Variants in CADPS observed in about 807,000 individuals in gnomAD.
CADPS encodes calcium-dependent secretion activator 1.
A neutral mutation model predicts 167.3 loss-of-function variants in CADPS; 57 were observed. The ratio of observed to expected loss-of-function variants is 0.34; its 90% CI spans 0.28 to 0.42. The LOEUF is 0.42. Ranked by LOEUF, CADPS falls within the 20% of genes least tolerant of loss-of-function variation. The probability of loss-of-function intolerance (pLI) is 1.00; values close to 1 mark genes in which losing one functional copy is unlikely to be tolerated. For synonymous variants in CADPS, 676 were observed against 635.3 expected (o/e 1.06, Z -0.96); for missense variants, 1,414 against 1,738.1 (o/e 0.81, Z 3.32).
chr3:62,481,632 C>A, intron 22 of CADPS, 91 bp downstream of exon 22: 1 of 1,179,616 alleles, frequency 8.5e-7, no homozygotes, highest in South Asian at 1.7e-5. Context: ...ATCTCCATCT[C>A]TGTTATATAG....
chr3:62,579,546 G>A (rs1419737132), intron 8 of CADPS, among the ~76,000 whole-genome samples: 3 of 152,122 alleles, frequency 2.0e-5, no homozygotes, highest in Non-Finnish European at 4.4e-5. Flanking sequence ...GGACACAGCG[G>A]GGCCAGGTAA....
chr3:62,637,959 G>A (rs1579342228), intron 6 of CADPS, among the ~76,000 whole-genome samples: 2 of 151,954 alleles, frequency 1.3e-5, no homozygotes, highest in South Asian at 2.1e-4. Flanking sequence ...AATGATCACT[G>A]TTTTAGACTC....
rs566480949 is a variant in CADPS at position 62,487,248 on chromosome 3, C to T, written c.3026+4091G>A. Among the ~76,000 whole-genome samples, 4 of 152,358 alleles carry T rather than the reference C, an allele frequency of 2.6e-5. 1 individual carries two copies. In the South Asian group the frequency reaches 8.3e-4, roughly 32 times the overall value. Reference sequence around the variant, plus strand: ...AGGCAAGGGTGGTGGAGCTACTAGACTTGGTAAGACTTTGAATGAGTTGTT... The same window carrying T: ...AGGCAAGGGTGGTGGAGCTACTAGATTTGGTAAGACTTTGAATGAGTTGTT... On this transcript the variant is annotated intron_variant, in intron 21 of 29. Coordinates refer to ENST00000383710, the MANE Select transcript of CADPS (RefSeq NM_003716.4).
chr3:62,810,589 T>C (rs1366758994), intron 1 of CADPS, among the ~76,000 whole-genome samples: 2 of 152,186 alleles, frequency 1.3e-5, no homozygotes, highest in Non-Finnish European at 2.9e-5. Flanking sequence ...GAATTTCTGA[T>C]AATCATTGAG....
At chr3:62,763,729 A>G (rs540157024) in intron 2 of CADPS, among the ~76,000 whole-genome samples, 1 of 152,340 alleles carries the variant, frequency 6.6e-6, no homozygotes, top group Admixed American at 6.5e-5. Context: ...ACTTCACTTT[A>G]GAGGATTAGA....
intron 3 of CADPS, among the ~76,000 whole-genome samples, chr3:62,748,339 C>T (rs183530059): frequency 4.5e-4 from 15 of 33,552 alleles, no homozygotes; most frequent in East Asian, 5.7e-3. Flanking sequence ...AGCGAGACTC[C>T]GTCTCAAAAA....
rs1408760632 is a variant in CADPS, at chr3:62,445,729, A to C, written c.3669+36T>G. 41 of 1,426,936 alleles carry C rather than the reference A, an allele frequency of 2.9e-5. 3 individuals carry two copies. Among genetic ancestry groups the C allele is most frequent in the Admixed American group, 9.7e-5 (4 of 41,274 alleles). The allele number at this position is 1,426,936 out of a possible 1,614,324, so 88.4% of individuals were successfully genotyped here. Reference sequence around the variant, plus strand: ...GTAAAAATGAAAAAAAAAAAAAACAAAAAAACCCCATGAGAAACAATTTTC... The same window carrying C: ...GTAAAAATGAAAAAAAAAAAAAACACAAAAACCCCATGAGAAACAATTTTC... On this transcript the variant is annotated intron_variant, in intron 27 of 29. Transcript: ENST00000383710.
Position 62,516,614 on chromosome 3 carries a change from C to G in CADPS, c.2423G>C (p.Gly808Ala), listed in dbSNP as rs1296527864. Residue 808 changes from glycine to alanine, a missense_variant, in exon 15 of 30, where the codon GGT (glycine) becomes GCT (alanine). By Grantham distance (60) the Gly-to-Ala change is moderately conservative (BLOSUM62 0). This residue lies in a region of CADPS where 529 missense variants were observed against 629.6 expected (regional missense o/e 0.84). Transcript: ENST00000383710. ...GAGTGAGAGAGTAGCTTTCAAAGCA[C>G]CTTCAGGTCGACCAAATGGAAAGCA... ...RYCFPFGRPE[G>A]ALKATLSLLE... 1.9e-6 allele frequency: 3 copies of G among 1,604,230 alleles called. No individual in the cohort carries two copies. The highest frequency in any genetic ancestry group is 2.6e-6 in the Non-Finnish European group (3 of 1,173,548).
intron 28 of CADPS, chr3:62,403,705 A>T (rs138306398): frequency 1.3e-5 from 2 of 152,202 alleles, no homozygotes; most frequent in African/African-American, 4.8e-5. Flanking sequence ...GTTTATCTTC[A>T]TTTACCTGAT....
intron 3 of CADPS, among the ~76,000 whole-genome samples, chr3:62,711,509 T>C (rs2083385939): frequency 6.6e-6 from 1 of 152,240 alleles, no homozygotes; most frequent in Non-Finnish European, 1.5e-5. Flanking sequence ...CTGAATTCTT[T>C]GTGTAAGATA....
At chr3:62,541,527 C>T (rs1439838547) in intron 11 of CADPS, among the ~76,000 whole-genome samples, 2 of 152,148 alleles carry the variant, frequency 1.3e-5, no homozygotes, top group African/African-American at 4.8e-5. Context: ...AACATACAGA[C>T]TTACGGAGAG....
At chr3:62,682,968 A>G (rs527536452) in intron 3 of CADPS, among the ~76,000 whole-genome samples, 1 of 152,212 alleles carries the variant, frequency 6.6e-6, no homozygotes, top group Admixed American at 6.5e-5. Flanking sequence ...GTAGAAGTTA[A>G]CCAGGCAAAG....
intron 28 of CADPS, among the ~76,000 whole-genome samples, chr3:62,410,203 C>T (rs760777301): frequency 5.9e-5 from 9 of 152,178 alleles, no homozygotes; most frequent in Admixed American, 2.6e-4. Context: ...CCTTCACACA[C>T]CTTCTTTGAT....
At chr3:62,768,966 G>A (rs2087725506) in intron 1 of CADPS, among the ~76,000 whole-genome samples, 1 of 152,098 alleles carries the variant, frequency 6.6e-6, no homozygotes, top group African/African-American at 2.4e-5. Flanking sequence ...TCTGGGTTTT[G>A]CCACCTACTG....
At chr3:62,823,951 A>T (rs2073510273) in intron 1 of CADPS, among the ~76,000 whole-genome samples, 1 of 152,104 alleles carries the variant, frequency 6.6e-6, no homozygotes, top group Non-Finnish European at 1.5e-5. Context: ...TTTTTCTGCC[A>T]CGGCTCCTGC....
At chr3:62,721,309 T>C (rs1020400244) in intron 3 of CADPS, among the ~76,000 whole-genome samples, 14 of 152,086 alleles carry the variant, frequency 9.2e-5, no homozygotes, top group African/African-American at 3.1e-4. Context: ...CCTAACTGCA[T>C]GTGCCTAACA....
chr3:62,767,480 T>G (rs1307833331), intron 1 of CADPS, among the ~76,000 whole-genome samples: 1 of 152,238 alleles, frequency 6.6e-6, no homozygotes, highest in African/African-American at 2.4e-5. Context: ...TTAAAAGTTT[T>G]TATATAAATC....
chr3:62,753,690 C>T lies in CADPS; in HGVS notation c.639G>A (p.Lys213=), dbSNP rs751092022. 6.2e-7 allele frequency: 1 copy of T among 1,614,194 alleles called. No individual in the cohort carries two copies. Among genetic ancestry groups the T allele is most frequent in the Non-Finnish European group, 8.5e-7 (1 of 1,180,044 alleles). Reference sequence around the variant, plus strand: ...GGCTGCGCACTCTCTTCTCAATGTGCTTCTTGAAGACCTCCCGGGAGTCGT... The same window carrying T: ...GGCTGCGCACTCTCTTCTCAATGTGTTTCTTGAAGACCTCCCGGGAGTCGT... ...SANDSREVFK[K]HIEKRVRSLP... The change falls in exon 3 of 30, where the codon AAG becomes AAA. Residue 213 remains lysine, a synonymous_variant. Coordinates refer to ENST00000383710, the MANE Select transcript of CADPS (RefSeq NM_003716.4). This position sits in a 1 kb window ranked among gnomAD's most constrained non-coding sequence, Gnocchi z 4.6.
rs1157198564 is a variant in CADPS at position 62,458,350 on chromosome 3, C to T, written c.3636+7017G>A. Among the ~76,000 whole-genome samples, 1 of 152,178 alleles carries T rather than the reference C, an allele frequency of 6.6e-6. No homozygotes were observed. The highest frequency in any genetic ancestry group is 1.5e-5 in the Non-Finnish European group (1 of 68,026). Reference sequence around the variant, plus strand: ...GTTAGTCTGGGCTTCACAGTCACACCTTTATCTTAATCACTCTCTAACTTT... The same window carrying T: ...GTTAGTCTGGGCTTCACAGTCACACTTTTATCTTAATCACTCTCTAACTTT... On this transcript the variant is annotated intron_variant, in intron 26 of 29. Coordinates refer to ENST00000383710, the MANE Select transcript of CADPS (RefSeq NM_003716.4). This position sits in a 1 kb window ranked among gnomAD's most constrained non-coding sequence, Gnocchi z 4.6.
Sources: allele counts gnomAD v4.1 joint callset (sites outside exome capture counted in the v4.1 genomes callset), GRCh38; gene constraint gnomAD v4.1.1; regional missense constraint gnomAD v4.1.1; non-coding constraint Gnocchi (gnomAD v3.1); transcripts MANE v1.5; gene names NCBI Gene and HGNC (gene_info 2026-07-23, HGNC 2026-07-21).